Variants in PODXL2 observed in about 807,000 individuals in gnomAD.
PODXL2 encodes podocalyxin like 2.
In PODXL2, 17 loss-of-function variants were observed where a neutral mutation model predicts 53.4. The observed-to-expected ratio is 0.32, with a 90% CI of 0.22 to 0.48. The LOEUF is 0.48. PODXL2 is among the 20% of genes least tolerant of loss of function. The pLI is 0.99. For synonymous variants in PODXL2, 311 were observed against 306.7 expected (o/e 1.01, Z -0.15); for missense variants, 673 against 760.0 (o/e 0.89, Z 1.35).
chr3:127,671,895 A>C (rs1576438172), intron 7 of PODXL2, among the ~76,000 whole-genome samples: 1 of 152,286 alleles, frequency 6.6e-6, no homozygotes, highest in East Asian at 1.9e-4. Context: ...TGAGCACCTG[A>C]ATACCTCACC....
At chr3:127,653,827 A>G (rs2074704762) in intron 2 of PODXL2, among the ~76,000 whole-genome samples, 1 of 152,230 alleles carries the variant, frequency 6.6e-6, no homozygotes, top group African/African-American at 2.4e-5. Flanking sequence ...GTGTATGTGT[A>G]CATGTATGGA....
chr3:127,635,976 C>G (rs2074576145), intron 1 of PODXL2, among the ~76,000 whole-genome samples: 1 of 152,194 alleles, frequency 6.6e-6, no homozygotes, highest in Admixed American at 6.5e-5. Flanking sequence ...TGCATGGGCT[C>G]CTGTTTTCCT....
intron 2 of PODXL2, among the ~76,000 whole-genome samples, chr3:127,642,196 A>G (rs1014099343): frequency 2.0e-5 from 3 of 151,270 alleles, no homozygotes; most frequent in Admixed American, 2.0e-4. Context: ...AGGCTGAGGC[A>G]GGAGAGTTGC....
chr3:127,654,904 A>G (rs952170796), intron 2 of PODXL2, among the ~76,000 whole-genome samples: 3 of 152,162 alleles, frequency 2.0e-5, no homozygotes, highest in African/African-American at 7.2e-5. Context: ...CCTTGCCAAC[A>G]TGGCAAAACC....
intron 2 of PODXL2, among the ~76,000 whole-genome samples, chr3:127,653,713 T>C (rs538559416): frequency 3.5e-4 from 54 of 152,262 alleles, no homozygotes; most frequent in African/African-American, 1.0e-3. Context: ...TTACTCCTTA[T>C]TTTAAAAAAT....
At chr3:127,632,735 A>G (rs1051676502) in intron 1 of PODXL2, among the ~76,000 whole-genome samples, 8 of 152,172 alleles carry the variant, frequency 5.3e-5, no homozygotes, top group African/African-American at 1.9e-4. Context: ...CCACTTCCCA[A>G]GAGTTTGTAA....
chr3:127,648,526 A>G (rs911623587), intron 2 of PODXL2, among the ~76,000 whole-genome samples: 2 of 152,330 alleles, frequency 1.3e-5, no homozygotes, highest in Admixed American at 6.5e-5. Flanking sequence ...AACATATAAA[A>G]ATTTAAAACA....
intron 2 of PODXL2, among the ~76,000 whole-genome samples, chr3:127,644,192 A>T (rs937955434): frequency 6.6e-6 from 1 of 151,304 alleles, no homozygotes; most frequent in Admixed American, 6.6e-5. Flanking sequence ...GCTTACTGCA[A>T]CCTCTGCCTC....
intron 3 of PODXL2, among the ~76,000 whole-genome samples, chr3:127,661,498 A>G (rs1395816720): frequency 1.3e-5 from 2 of 151,280 alleles, no homozygotes; most frequent in Non-Finnish European, 2.9e-5. Context: ...TGAAGTGGGC[A>G]TGATCTCGGT....
intron 2 of PODXL2, among the ~76,000 whole-genome samples, chr3:127,645,155 C>A (rs761847436): frequency 6.6e-6 from 1 of 152,234 alleles, no homozygotes; most frequent in African/African-American, 2.4e-5. Flanking sequence ...TCCTTCCTTG[C>A]TCCAGCATGC....
intron 2 of PODXL2, among the ~76,000 whole-genome samples, chr3:127,640,936 G>A (rs916929965): frequency 4.6e-5 from 7 of 151,998 alleles, no homozygotes; most frequent in African/African-American, 1.7e-4. Context: ...TTTTTGAGAT[G>A]GAGTCTTGCT....
chr3:127,658,693 C>G (rs1325380862), intron 2 of PODXL2, among the ~76,000 whole-genome samples: 1 of 152,094 alleles, frequency 6.6e-6, no homozygotes, highest in East Asian at 1.9e-4. Flanking sequence ...TGTTCTTTCT[C>G]TGAGAGCTGT....
chr3:127,671,311 C>A (rs2074834406), intron 6 of PODXL2, 123 bp from the exon 7 acceptor site: 4 of 836,618 alleles, frequency 4.8e-6, no homozygotes, highest in Non-Finnish European at 3.8e-6. Context: ...ACTTCAGGAG[C>A]CGGGAGTGCC....
intron 2 of PODXL2, among the ~76,000 whole-genome samples, chr3:127,656,533 G>A (rs1482253452): frequency 1.3e-5 from 2 of 151,966 alleles, no homozygotes; most frequent in African/African-American, 2.4e-5. Flanking sequence ...TCAGGAGTTC[G>A]AGACCAGCCT....
chr3:127,647,449 T>C (rs948518812), intron 2 of PODXL2, among the ~76,000 whole-genome samples: 1 of 152,174 alleles, frequency 6.6e-6, no homozygotes, highest in Non-Finnish European at 1.5e-5. Context: ...ATTTTCCTAG[T>C]GAGTGAGCAA....
chr3:127,671,680 A>G (rs1226931101), intron 7 of PODXL2, 67 bp downstream of exon 7: 13 of 1,463,192 alleles, frequency 8.9e-6, no homozygotes, highest in Admixed American at 8.4e-5. Flanking sequence ...AGGTGTCCTC[A>G]TCTGCAAGGG....
At position 127,660,517 on chromosome 3, in the gene PODXL2, GGAAGAA is replaced by G; in HGVS notation, c.492_497del (p.Glu171_Glu172del). The G allele has an allele frequency of 1.2e-6, 2 of 1,614,028 alleles. No homozygotes were observed. The highest frequency in any genetic ancestry group is 1.7e-6 in the Non-Finnish European group (2 of 1,179,954). On this transcript the variant is annotated inframe_deletion, in exon 3 of 8. Coordinates refer to ENST00000342480, the MANE Select transcript of PODXL2 (RefSeq NM_015720.4). ...CCTGGCATATGCCTCCCAGAGAGGA[GGAAGAA>G]GAGGAAGAGGAAGAGGAGGAGAGGG...
Position 127,668,666 on chromosome 3 carries a change from G to A in PODXL2, c.1363+69G>A, listed in dbSNP as rs959061111. On this transcript the variant is annotated intron_variant, in intron 5 of 7. Coordinates refer to ENST00000342480, the MANE Select transcript of PODXL2 (RefSeq NM_015720.4). ...AGGCGGGCGGCCCCTGAGGGTCACG[G>A]GAAAAAAGTGCACGCATAAGGGCTT... 54 of 1,371,188 alleles carry A rather than the reference G, an allele frequency of 3.9e-5. No individual in the cohort carries two copies. The South Asian group carries it at 4.3e-4, about 11-fold the overall frequency. The allele number at this position is 1,371,188 out of a possible 1,614,324, so 84.9% of individuals were successfully genotyped here. A position where few individuals can be genotyped will look rare whatever the true frequency, so the allele number is the denominator to read the frequency against.
intron 4 of PODXL2, among the ~76,000 whole-genome samples, chr3:127,668,204 T>C (rs976386751): frequency 1.3e-5 from 2 of 152,096 alleles, no homozygotes; most frequent in Non-Finnish European, 2.9e-5. Flanking sequence ...GACTTTCTCA[T>C]GGCTAGAGGC....
Sources: allele counts gnomAD v4.1 joint callset (sites outside exome capture counted in the v4.1 genomes callset), GRCh38; gene constraint gnomAD v4.1.1; transcripts MANE v1.5; gene names NCBI Gene and HGNC (gene_info 2026-07-23, HGNC 2026-07-21).